CCDC30: variants seen among roughly 807,000 people sequenced by gnomAD.
The protein encoded by CCDC30 is coiled-coil domain containing 30.
Under a neutral mutation model 100.2 loss-of-function variants are expected in CCDC30, and 70 were observed. The ratio of observed to expected loss-of-function variants is 0.70; its 90% CI spans 0.58 to 0.85. The LOEUF is 0.85. Ranked by LOEUF, CCDC30 falls within the 40% of genes least tolerant of loss-of-function variation. The pLI is 0.00. For missense variants in CCDC30, 652 were observed against 771.2 expected, an observed-to-expected ratio of 0.85 and a Z score of 1.83; for synonymous variants, 233 against 269.5, an observed-to-expected ratio of 0.86 and a Z score of 1.33.
chr1:42,611,193 T>G, intron 11 of CCDC30, 103 bp downstream of exon 15: 1 of 596,312 alleles, frequency 1.7e-6, no homozygotes, highest in African/African-American at 1.9e-5. Context: ...TGAAGCAACC[T>G]TTCAAGAGGG....
chr1:42,629,396 C>T (rs1314756381), intron 11 of CCDC30, among the ~76,000 whole-genome samples: 1 of 152,200 alleles, frequency 6.6e-6, no homozygotes, highest in Non-Finnish European at 1.5e-5. Context: ...TGCTGCCAGA[C>T]ATATTGGAGT....
In CCDC30 at chr1:42,581,121, G is replaced by A. The variant is rs532578927; in HGVS notation, c.847-239G>A. 296 of 402,198 alleles carry A rather than the reference G, an allele frequency of 7.4e-4. 5 individuals carry two copies. The highest frequency in any genetic ancestry group is 7.5e-4 in the Middle Eastern group (1 of 1,334). The allele number at this position is 402,198 out of a possible 1,614,324, so 24.9% of individuals were successfully genotyped here. On this transcript the variant is annotated intron_variant, in intron 8 of 16. Coordinates refer to ENST00000668663, the Ensembl canonical transcript of CCDC30. Reference sequence around the variant, plus strand: ...CTCCCACAGTTCTGGGATTACAGGCGTGAGCCAGCATGTCTGGCCTGTAGC... The same window carrying A: ...CTCCCACAGTTCTGGGATTACAGGCATGAGCCAGCATGTCTGGCCTGTAGC...
intron 10 of CCDC30, among the ~76,000 whole-genome samples, chr1:42,607,658 A>AGG: frequency 6.6e-6 from 1 of 152,100 alleles, no homozygotes; most frequent in African/African-American, 2.4e-5. Context: ...GTTCTGGGAA[A>AGG]AAAAAAAATC....
chr1:42,538,619 AT>A (rs935106898), intron 6 of CCDC30, among the ~76,000 whole-genome samples: 3 of 152,012 alleles, frequency 2.0e-5, no homozygotes, highest in Non-Finnish European at 4.4e-5. Flanking sequence ...AAATAAATAA[AT>A]TTTTTTTAAA....
intron 15 of CCDC30, among the ~76,000 whole-genome samples, chr1:42,647,198 AC>A (rs1462943516): frequency 6.6e-6 from 1 of 152,152 alleles, no homozygotes; most frequent in Non-Finnish European, 1.5e-5. Context: ...CCCTCAAGAA[AC>A]CCATCTCATC....
At chr1:42,656,006 AG>A (rs1238075227), downstream of CCDC30, among the ~76,000 whole-genome samples, 1 of 150,640 alleles carries the variant, frequency 6.6e-6, no homozygotes, top group Non-Finnish European at 1.5e-5. Context: ...TCCCAAGTAC[AG>A]GCATGTGCTA....
chr1:42,562,668 G>A (rs953445985), intron 6 of CCDC30, among the ~76,000 whole-genome samples: 2 of 152,098 alleles, frequency 1.3e-5, no homozygotes, highest in Non-Finnish European at 2.9e-5. Context: ...GAGTGAACAG[G>A]CAACCTAGAG....
chr1:42,566,429 T>C, exon 7 of CCDC30: 1 of 1,613,960 alleles, frequency 6.2e-7, no homozygotes, highest in Non-Finnish European at 8.5e-7. Flanking sequence ...GGGCAGAACT[T>C]GGACTTAAAG....
At position 42,584,120 on chromosome 1, in the gene CCDC30, C is replaced by T. The variant is rs373678866; in HGVS notation, c.1001+2606C>T. Among the ~76,000 whole-genome samples the T allele has an allele frequency of 1.5e-4, 23 of 152,162 alleles. No individual in the cohort carries two copies. In the South Asian group the frequency reaches 4.6e-3, roughly 30 times the overall value. On this transcript the variant is annotated intron_variant, in intron 9 of 16. Coordinates refer to ENST00000668663, the Ensembl canonical transcript of CCDC30. ...TAAAAATGCCTGCTCCAACCTTCCA[C>T]CTGGAAAAAACAAAATGTTTCAATT... is the stretch of plus-strand genomic sequence containing the variant.
intron 6 of CCDC30, among the ~76,000 whole-genome samples, chr1:42,499,989 C>G (rs112065060): frequency 6.8e-4 from 103 of 152,314 alleles, no homozygotes; most frequent in African/African-American, 2.4e-3. Flanking sequence ...CCTTAACCAA[C>G]ATGCAAGTTC....
chr1:42,610,914 T>G (rs971670208), intron 10 of CCDC30, 64 bp from the exon 15 acceptor site: 69 of 770,850 alleles, frequency 9.0e-5, no homozygotes, highest in Non-Finnish European at 1.4e-4. Flanking sequence ...AGAAAGACTT[T>G]GCATTTCTTC....
chr1:42,588,510 C>CTACT (rs1459090514), intron 9 of CCDC30, among the ~76,000 whole-genome samples: 2 of 152,080 alleles, frequency 1.3e-5, no homozygotes, highest in African/African-American at 4.8e-5. Context: ...TTCCAAGGGA[C>CTACT]AGTAACTCAT....
chr1:42,566,538 T>G (rs541793547), intron 7 of CCDC30, 63 bp downstream of exon 11: 1 of 1,325,780 alleles, frequency 7.5e-7, no homozygotes, highest in East Asian at 2.3e-5. Flanking sequence ...TAAACGAATC[T>G]AAGTTCCTCT....
the CCDC30 span, chr1:42,456,251 AG>A: frequency 1.7e-6 from 1 of 604,886 alleles, no homozygotes; most frequent in South Asian, 2.0e-5. Flanking sequence ...GTCCAAGTCC[AG>A]AAAGGCCCGT....
chr1:42,625,295 T>C (rs1052107296), intron 11 of CCDC30, among the ~76,000 whole-genome samples: 2 of 151,192 alleles, frequency 1.3e-5, no homozygotes, highest in African/African-American at 4.8e-5. Context: ...TAAAGTTTTG[T>C]TGATTTTAAC....
At chr1:42,539,255 A>AT in intron 6 of CCDC30, 1 of 1,610,790 alleles carries the variant, frequency 6.2e-7, no homozygotes, top group Non-Finnish European at 8.5e-7. Context: ...AGCAAAGACC[A>AT]TTTTTTAATA....
rs77593961 is a variant in CCDC30 at position 42,472,928 on chromosome 1, A to C, written c.-91-7533A>C. Among the ~76,000 whole-genome samples the C allele has an allele frequency of 3.8e-3, 582 of 152,116 alleles. 1 individual carries two copies. The highest frequency in any genetic ancestry group is 0.012 in the African/African-American group (516 of 41,482). ...ATTTTGTTCTTTAGAAATATCTTGG[A>C]TTTTCCAAGATATATATACATACAC... is the stretch of plus-strand genomic sequence containing the variant. On this transcript the variant is annotated intron_variant, in intron 1 of 16. Coordinates refer to ENST00000668663, the Ensembl canonical transcript of CCDC30.
At chr1:42,519,620 C>T (rs1569890651) in intron 6 of CCDC30, among the ~76,000 whole-genome samples, 1 of 152,150 alleles carries the variant, frequency 6.6e-6, no homozygotes, top group Non-Finnish European at 1.5e-5. Flanking sequence ...GATGCCGTCT[C>T]GGCTCACTGC....
chr1:42,618,960 T>C (rs1469648958), intron 11 of CCDC30, among the ~76,000 whole-genome samples: 2 of 152,196 alleles, frequency 1.3e-5, no homozygotes, highest in African/African-American at 4.8e-5. Context: ...CATCCTATGC[T>C]GAGTAATATT....
Sources: allele counts gnomAD v4.1 joint callset (sites outside exome capture counted in the v4.1 genomes callset), GRCh38; gene constraint gnomAD v4.1.1; transcripts MANE v1.5; gene names NCBI Gene and HGNC (gene_info 2026-07-23, HGNC 2026-07-21).